NTRK3: variants seen among roughly 807,000 people sequenced by gnomAD.
NTRK3 encodes the protein neurotrophic receptor tyrosine kinase 3.
Under a neutral mutation model 91.7 loss-of-function variants are expected in NTRK3, and 24 were observed. The ratio of observed to expected loss-of-function variants is 0.26; its 90% confidence interval spans 0.19 to 0.37. NTRK3 has a LOEUF of 0.37. Among genes scored for constraint, NTRK3 ranks in the 10% least tolerant of loss-of-function variants. The probability of loss-of-function intolerance (pLI) is 1.00; values close to 1 mark genes in which losing one functional copy is unlikely to be tolerated. For synonymous variants in NTRK3, 483 were observed against 404.0 expected, an observed-to-expected ratio of 1.20 and a Z score of -2.34; for missense variants, 880 against 1,068.9, an observed-to-expected ratio of 0.82 and a Z score of 2.46.
intron 17 of NTRK3, among the ~76,000 whole-genome samples, chr15:87,916,817 G>C (rs886574965): frequency 9.2e-5 from 14 of 151,656 alleles, no homozygotes; most frequent in Admixed American, 3.9e-4. Flanking sequence ...GGTGGAGTGC[G>C]GTGGTGTGAT....
intron 13 of NTRK3, among the ~76,000 whole-genome samples, chr15:88,092,449 T>C (rs4887205): frequency 0.62 from 93,531 of 152,062 alleles, 29,930 homozygotes; most frequent in African/African-American, 0.8. Flanking sequence ...GTTAAATCTC[T>C]GGTAGGTTGC....
chr15:88,084,226 A>T (rs114511778), intron 13 of NTRK3, among the ~76,000 whole-genome samples: 4,635 of 152,052 alleles, frequency 0.03, 229 homozygotes, highest in African/African-American at 0.1. Flanking sequence ...AGAGACCCCA[A>T]CCAACTAAAA....
At chr15:88,120,981 G>A (rs1263996435) in intron 13 of NTRK3, among the ~76,000 whole-genome samples, 1 of 152,174 alleles carries the variant, frequency 6.6e-6, no homozygotes, top group East Asian at 1.9e-4. Flanking sequence ...TTTTCTTCAT[G>A]GGAGTAAGAG....
intron 5 of NTRK3, among the ~76,000 whole-genome samples, chr15:88,160,126 C>T (rs959261735): frequency 6.6e-6 from 1 of 152,106 alleles, no homozygotes; most frequent in African/African-American, 2.4e-5. Context: ...AAACAGGACT[C>T]GGACGAGAGC....
At chr15:88,070,255 G>A (rs1008955285) in intron 13 of NTRK3, among the ~76,000 whole-genome samples, 3 of 152,120 alleles carry the variant, frequency 2.0e-5, no homozygotes, top group African/African-American at 4.8e-5. Context: ...TAGCAGCCTT[G>A]GGCAGTTTCC....
At chr15:88,040,728 C>T (rs1472255195) in intron 13 of NTRK3, among the ~76,000 whole-genome samples, 1 of 152,132 alleles carries the variant, frequency 6.6e-6, no homozygotes, top group African/African-American at 2.4e-5. Flanking sequence ...TCTCCAAATT[C>T]CAAAGGAGTG....
chr15:88,132,666 C>T (rs779985044), intron 10 of NTRK3, among the ~76,000 whole-genome samples: 14 of 152,220 alleles, frequency 9.2e-5, no homozygotes, highest in Middle Eastern at 3.2e-3. Flanking sequence ...ACCAGCTTTG[C>T]ATCTAGGCTT....
exon 8 of NTRK3, chr15:88,136,509 C>T (rs2041890961): frequency 6.2e-7 from 1 of 1,614,150 alleles, no homozygotes; most frequent in Non-Finnish European, 8.5e-7. Flanking sequence ...CTATCCAGTC[C>T]ACATCAGGAA....
chr15:88,132,352 A>T (rs1171559111), intron 10 of NTRK3, among the ~76,000 whole-genome samples: 1 of 152,210 alleles, frequency 6.6e-6, no homozygotes. Flanking sequence ...TTTAAGTCTC[A>T]TGGTAGCTTA....
rs528059547 is a variant in NTRK3, at chr15:87,926,090, T to G, written c.2133+3101A>C. The stretch of plus-strand genomic sequence containing the variant: ...TAGAGGAAAATGCATTCAGGTTACA[T>G]GGTTGCTAATGGTGGTTGCACATTA... On this transcript the variant is annotated intron_variant, in intron 17 of 18. Transcript: ENST00000394480. 2.0e-5 allele frequency among the ~76,000 whole-genome samples: 3 copies of G among 152,328 alleles called. No individual in the cohort carries two copies. In the South Asian group the frequency reaches 6.2e-4, roughly 32 times the overall value.
intron 3 of NTRK3, among the ~76,000 whole-genome samples, chr15:88,226,013 A>C (rs2050641873): frequency 6.6e-6 from 1 of 152,246 alleles, no homozygotes; most frequent in Non-Finnish European, 1.5e-5. Context: ...GATCCCAGGA[A>C]GCAGTCTGGA....
At chr15:88,044,356 G>A (rs559811371) in intron 13 of NTRK3, among the ~76,000 whole-genome samples, 2 of 149,506 alleles carry the variant, frequency 1.3e-5, no homozygotes, top group Non-Finnish European at 3.0e-5. Flanking sequence ...TGCCTCCCGG[G>A]TTCACTCCAT....
At chr15:87,904,535 C>T (rs957351272) in intron 17 of NTRK3, among the ~76,000 whole-genome samples, 1 of 152,122 alleles carries the variant, frequency 6.6e-6, no homozygotes, top group African/African-American at 2.4e-5. Context: ...GAAATCCCGG[C>T]GTACTGCTGT....
At chr15:88,182,234 A>T (rs2046537139) in intron 5 of NTRK3, among the ~76,000 whole-genome samples, 1 of 152,156 alleles carries the variant, frequency 6.6e-6, no homozygotes, top group Non-Finnish European at 1.5e-5. Flanking sequence ...CTGATAAACA[A>T]ATATTTATCA....
intron 14 of NTRK3, among the ~76,000 whole-genome samples, chr15:87,966,517 C>T (rs1311592916): frequency 6.6e-6 from 1 of 152,192 alleles, no homozygotes; most frequent in Non-Finnish European, 1.5e-5. Flanking sequence ...GCACACTGAG[C>T]CTGCAACTCC....
chr15:87,901,591 G>C (rs1472529667), intron 17 of NTRK3, among the ~76,000 whole-genome samples: 1 of 152,256 alleles, frequency 6.6e-6, no homozygotes, highest in East Asian at 1.9e-4. Flanking sequence ...TCTTGTCCCA[G>C]TGAACATGGA....
At chr15:87,904,931 G>C (rs910652364) in intron 17 of NTRK3, among the ~76,000 whole-genome samples, 1 of 152,176 alleles carries the variant, frequency 6.6e-6, no homozygotes, top group Non-Finnish European at 1.5e-5. Flanking sequence ...AAGTGAAAGT[G>C]GAGTATCCTA....
At chr15:87,905,859 T>C (rs1489967819) in intron 17 of NTRK3, among the ~76,000 whole-genome samples, 1 of 152,148 alleles carries the variant, frequency 6.6e-6, no homozygotes, top group African/African-American at 2.4e-5. Flanking sequence ...AGATTTACTC[T>C]CATGCCCCCA....
intron 14 of NTRK3, among the ~76,000 whole-genome samples, chr15:88,003,133 A>T (rs2076236194): frequency 6.6e-6 from 1 of 152,264 alleles, no homozygotes; most frequent in Non-Finnish European, 1.5e-5. Context: ...AATTCTTTAC[A>T]AGGCAATCAA....
Sources: allele counts gnomAD v4.1 joint callset (sites outside exome capture counted in the v4.1 genomes callset), GRCh38; gene constraint gnomAD v4.1.1; transcripts MANE v1.5; gene names NCBI Gene and HGNC (gene_info 2026-07-23, HGNC 2026-07-21).